The following KIF21A variants were observed in gnomAD, a reference collection of about 807,000 sequenced individuals.
The protein encoded by KIF21A is kinesin family member 21A.
In KIF21A, 114 loss-of-function variants were observed where a neutral mutation model predicts 202.9. The observed-to-expected ratio is 0.56, with a 90% confidence interval of 0.48 to 0.66. The LOEUF is 0.66. KIF21A is among the 30% of genes least tolerant of loss of function. The pLI, the probability that KIF21A is intolerant of heterozygous loss-of-function variation, is 0.00. For missense variants in KIF21A, 1,677 were observed against 1,994.9 expected (o/e 0.84, Z 3.04); for synonymous variants, 667 against 670.8 (o/e 0.99, Z 0.09).
intron 33 of KIF21A, among the ~76,000 whole-genome samples, chr12:39,308,008 C>G (rs1055518536): frequency 6.6e-6 from 1 of 151,750 alleles, no homozygotes; most frequent in Non-Finnish European, 1.5e-5. Context: ...ATTCCAGGCC[C>G]TGAGTTAGGA....
chr12:39,391,965 C>G (rs1392657941), intron 1 of KIF21A, among the ~76,000 whole-genome samples: 1 of 152,050 alleles, frequency 6.6e-6, no homozygotes, highest in African/African-American at 2.4e-5. Context: ...GTCTTGAACT[C>G]CTGACCTCAT....
At position 39,322,711 on chromosome 12, in the gene KIF21A, C is replaced by T. The variant is rs758466226; in HGVS notation, c.3628G>A (p.Glu1210Lys). ...GGTAAGCCAGGTGGGGGAGAGAGCT[C>T]TTTTTCCCTAGCAGAAGTACCACTT... ...ETSGTSAREK[E>K]LSPPPGLPSK... The change falls in exon 27 of 38, where the codon GAG becomes AAG. Residue 1210 changes from glutamate (E) to lysine (K), a missense_variant. Glu to Lys is a moderately conservative substitution (Grantham distance 56). Coordinates refer to ENST00000361418, the MANE Select transcript of KIF21A (RefSeq NM_001173464.2). 11 of 1,613,890 alleles carry T rather than the reference C, an allele frequency of 6.8e-6. No homozygotes were observed. Among genetic ancestry groups the T allele is most frequent in the Non-Finnish European group, 5.9e-6 (7 of 1,180,016 alleles).
At chr12:39,403,998 C>A (rs1952381912) in intron 1 of KIF21A, among the ~76,000 whole-genome samples, 1 of 152,226 alleles carries the variant, frequency 6.6e-6, no homozygotes, top group Non-Finnish European at 1.5e-5. Flanking sequence ...TTGTTAATCA[C>A]ATAGACTGGT....
chr12:39,325,752 AAG>A (rs1167896017), intron 26 of KIF21A, 85 bp downstream of exon 26: 2 of 920,696 alleles, frequency 2.2e-6, no homozygotes, highest in Non-Finnish European at 1.8e-6. Context: ...CTAATCTATT[AAG>A]AGTCAAATCT....
At chr12:39,302,690 T>C (rs1004958399) in intron 36 of KIF21A, among the ~76,000 whole-genome samples, 1 of 152,200 alleles carries the variant, frequency 6.6e-6, no homozygotes, top group African/African-American at 2.4e-5. Flanking sequence ...CCCAGGCTGA[T>C]TTTATTTAAT....
At chr12:39,300,383 A>C (rs1380856905) in intron 37 of KIF21A, among the ~76,000 whole-genome samples, 2 of 152,172 alleles carry the variant, frequency 1.3e-5, no homozygotes, top group Non-Finnish European at 2.9e-5. Flanking sequence ...CGTTAGAAAA[A>C]CAAAATAAAT....
At chr12:39,335,193 C>A (rs1316574830) in intron 17 of KIF21A, among the ~76,000 whole-genome samples, 1 of 151,984 alleles carries the variant, frequency 6.6e-6, no homozygotes, top group East Asian at 1.9e-4. Context: ...GGGCGGATCA[C>A]TTGAGGTCAG....
chr12:39,376,953 C>G (rs967358789), intron 1 of KIF21A, among the ~76,000 whole-genome samples: 1 of 152,122 alleles, frequency 6.6e-6, no homozygotes, highest in Non-Finnish European at 1.5e-5. Context: ...ATTTGTTGTC[C>G]TGTTAGAAAG....
At chr12:39,384,505 T>C (rs1262963311) in intron 1 of KIF21A, among the ~76,000 whole-genome samples, 2 of 152,202 alleles carry the variant, frequency 1.3e-5, no homozygotes, top group Non-Finnish European at 2.9e-5. Context: ...TCCCCCATTC[T>C]TGGACAAGGC....
At chr12:39,411,397 G>A (rs1165089642) in intron 1 of KIF21A, among the ~76,000 whole-genome samples, 1 of 152,106 alleles carries the variant, frequency 6.6e-6, no homozygotes. Flanking sequence ...ACAGGTGACC[G>A]GAATACATAT....
intron 24 of KIF21A, 155 bp from the exon 25 acceptor site, chr12:39,326,479 TA>T (rs1056264541): frequency 7.4e-6 from 5 of 675,168 alleles, no homozygotes; most frequent in African/African-American, 7.2e-5. Flanking sequence ...TGTAGAAAAG[TA>T]TTTCTAAAAA....
intron 28 of KIF21A, among the ~76,000 whole-genome samples, 195 bp from the exon 29 acceptor site, chr12:39,318,396 C>A (rs577372398): frequency 9.9e-5 from 15 of 152,228 alleles, no homozygotes; most frequent in Middle Eastern, 3.4e-3. Context: ...ACATTGGCCA[C>A]AAGATGGCAC....
intron 24 of KIF21A, among the ~76,000 whole-genome samples, chr12:39,326,852 AG>A (rs1171393891): frequency 6.6e-6 from 1 of 152,200 alleles, no homozygotes; most frequent in African/African-American, 2.4e-5. Context: ...GGTGTTCAGA[AG>A]TCACACATCA....
intron 2 of KIF21A, 22 bp downstream of exon 2, chr12:39,370,017 A>G: frequency 1.2e-6 from 2 of 1,602,912 alleles, no homozygotes; most frequent in Non-Finnish European, 1.7e-6. Context: ...TTCAACTCCT[A>G]TGAAAATAAT....
intron 29 of KIF21A, 27 bp from the exon 30 acceptor site, chr12:39,315,997 G>C (rs1184612093): frequency 1.3e-6 from 2 of 1,535,726 alleles, no homozygotes; most frequent in East Asian, 2.3e-5. Context: ...AGAATTATGA[G>C]AGAAAGAATA....
Position 39,337,132 on chromosome 12 carries a change from C to T in KIF21A, c.2382G>A (p.Glu794=), listed in dbSNP as rs1947048853. ...GTTGATCCTTTTTCAACTGAGCAAT[C>T]TCTCTGTTTCTTCTAGACTCAGTCA... ...ARLTESRRNR[E]IAQLKKDQRK... Residue 794 remains glutamate (E), a synonymous_variant, in exon 17 of 38, where the codon GAG becomes GAA. Coordinates refer to ENST00000361418, the MANE Select transcript of KIF21A (RefSeq NM_001173464.2). The T allele has an allele frequency of 1.2e-6, 2 of 1,611,764 alleles. No homozygotes were observed. The highest frequency in any genetic ancestry group is 2.7e-5 in the African/African-American group (2 of 75,004).
chr12:39,400,288 T>C (rs574747539), intron 1 of KIF21A, among the ~76,000 whole-genome samples: 58 of 152,296 alleles, frequency 3.8e-4, no homozygotes, highest in Admixed American at 3.3e-3. Context: ...TTCCTTCAAC[T>C]TCTATTTTAC....
At chr12:39,360,110 A>G (rs1949091154) in intron 7 of KIF21A, among the ~76,000 whole-genome samples, 1 of 152,198 alleles carries the variant, frequency 6.6e-6, no homozygotes, top group Non-Finnish European at 1.5e-5. Context: ...GCAAGGATCA[A>G]TTGTATAGGG....
At chr12:39,371,498 G>A (rs1592389334) in intron 1 of KIF21A, among the ~76,000 whole-genome samples, 1 of 152,206 alleles carries the variant, frequency 6.6e-6, no homozygotes, top group Admixed American at 6.5e-5. Context: ...CCAAAATCTA[G>A]TCCTATTCTA....
Sources: gnomAD v4.1 joint callset for allele counts (sites outside exome capture counted in the v4.1 genomes callset) on GRCh38, gnomAD v4.1.1 for gene constraint, MANE v1.5 for transcripts, NCBI Gene and HGNC (gene_info 2026-07-23, HGNC 2026-07-21) for gene names.